Variants in GSG1L observed in about 807,000 individuals in gnomAD.
The protein encoded by GSG1L is GSG1 like.
A neutral mutation model predicts 42.1 loss-of-function variants in GSG1L; 24 were observed. That is an observed-to-expected ratio of 0.57 (90% CI 0.41 to 0.80). The LOEUF (loss-of-function observed/expected upper bound fraction) is 0.80, where lower values mean the gene tolerates loss of function less well. Ranked by LOEUF, GSG1L falls within the 30% of genes least tolerant of loss-of-function variation. The pLI is 0.00. For synonymous variants in GSG1L, 215 were observed against 203.5 expected, an observed-to-expected ratio of 1.06 and a Z score of -0.48; for missense variants, 445 against 472.2, an observed-to-expected ratio of 0.94 and a Z score of 0.53.
At position 28,035,288 on chromosome 16, in the gene GSG1L, G is replaced by A. The variant is rs2086020386; in HGVS notation, c.349+27788C>T. 1.3e-5 allele frequency among the ~76,000 whole-genome samples: 2 copies of A among 152,160 alleles called. 1 individual carries two copies. Among genetic ancestry groups the A allele is most frequent in the Middle Eastern group, 6.3e-3 (2 of 316 alleles). ...AGCCTCCCAAAGTGCTGGGATTCCA[G>A]GTGTGAGCCACCACGCCTATCCTCA... is the stretch of plus-strand genomic sequence containing the variant. On this transcript the variant is annotated intron_variant, in intron 1 of 6. Transcript: ENST00000447459.
chr16:27,977,460 T>C (rs1257153403), intron 1 of GSG1L, among the ~76,000 whole-genome samples: 1 of 148,040 alleles, frequency 6.8e-6, no homozygotes, highest in Non-Finnish European at 1.5e-5. Flanking sequence ...TAGTCGAGGC[T>C]GAGGCACAAG....
chr16:28,032,769 A>G (rs1224142181), intron 1 of GSG1L, among the ~76,000 whole-genome samples: 1 of 152,106 alleles, frequency 6.6e-6, no homozygotes, highest in African/African-American at 2.4e-5. Context: ...CTCACTCCAC[A>G]TCCAATTTGT....
At chr16:27,849,852 A>G (rs2083488054) in intron 3 of GSG1L, among the ~76,000 whole-genome samples, 1 of 150,498 alleles carries the variant, frequency 6.6e-6, no homozygotes, top group Admixed American at 6.6e-5. Flanking sequence ...GGTGGAGTCA[A>G]TAGGACTCGC....
At chr16:27,923,997 T>A (rs1026864096) in intron 2 of GSG1L, among the ~76,000 whole-genome samples, 2 of 152,074 alleles carry the variant, frequency 1.3e-5, no homozygotes, top group Non-Finnish European at 2.9e-5. Flanking sequence ...CTCCTCAAAG[T>A]AAAATAGGAG....
At chr16:27,952,066 T>C (rs1316621692) in intron 2 of GSG1L, among the ~76,000 whole-genome samples, 1 of 152,122 alleles carries the variant, frequency 6.6e-6, no homozygotes, top group African/African-American at 2.4e-5. Flanking sequence ...AGGGATGACT[T>C]AAAATACAGT....
intron 1 of GSG1L, among the ~76,000 whole-genome samples, chr16:27,963,920 A>G (rs2085099198): frequency 6.6e-6 from 1 of 152,224 alleles, no homozygotes; most frequent in Non-Finnish European, 1.5e-5. Flanking sequence ...AGTCACTGAA[A>G]GAGAGTGTAC....
chr16:27,833,590 A>G (rs1020891185), intron 4 of GSG1L, among the ~76,000 whole-genome samples: 1 of 151,928 alleles, frequency 6.6e-6, no homozygotes, highest in Non-Finnish European at 1.5e-5. Context: ...ATATCTACCC[A>G]TTTATTTAGA....
chr16:27,814,372 A>G (rs1311814064), intron 5 of GSG1L, among the ~76,000 whole-genome samples: 2 of 152,264 alleles, frequency 1.3e-5, no homozygotes, highest in East Asian at 3.9e-4. Context: ...TTGGCCTTCC[A>G]AAAAGCTGGG....
intron 1 of GSG1L, among the ~76,000 whole-genome samples, chr16:28,005,376 A>G (rs1471724342): frequency 6.6e-6 from 1 of 152,080 alleles, no homozygotes; most frequent in African/African-American, 2.4e-5. Context: ...CGCCTCCCAA[A>G]GTGGTGGGAT....
chr16:27,999,167 G>C (rs1372911755), intron 1 of GSG1L, among the ~76,000 whole-genome samples: 2 of 152,230 alleles, frequency 1.3e-5, no homozygotes, highest in Admixed American at 1.3e-4. Flanking sequence ...ATTGGGTCAG[G>C]CGCAGTGGCT....
intron 2 of GSG1L, 82 bp downstream of exon 2, chr16:27,963,074 A>G: frequency 8.4e-7 from 1 of 1,186,344 alleles, no homozygotes; most frequent in Non-Finnish European, 1.3e-6. Context: ...ATGCTATCAC[A>G]GGGCTTTGGG....
At chr16:27,928,460 G>A (rs552406809) in intron 2 of GSG1L, among the ~76,000 whole-genome samples, 17 of 152,274 alleles carry the variant, frequency 1.1e-4, no homozygotes, top group African/African-American at 2.4e-4. Context: ...CCTCCAAGAC[G>A]GCCCCCAGCC....
chr16:27,850,833 G>A (rs9926139), intron 3 of GSG1L, among the ~76,000 whole-genome samples: 1,517 of 148,706 alleles, frequency 0.01, 27 homozygotes, highest in African/African-American at 0.036. Context: ...TACAGACAGC[G>A]TCCCTCCATG....
intron 3 of GSG1L, among the ~76,000 whole-genome samples, chr16:27,859,423 C>T (rs2140998372): frequency 6.6e-6 from 1 of 152,312 alleles, no homozygotes; most frequent in Non-Finnish European, 1.5e-5. Context: ...ATGCCCTAGT[C>T]CATCCTCCGG....
At chr16:27,980,517 C>T (rs2085313187) in intron 1 of GSG1L, among the ~76,000 whole-genome samples, 1 of 152,228 alleles carries the variant, frequency 6.6e-6, no homozygotes. Context: ...AAGTGCTTTA[C>T]ATGCATCAAT....
At chr16:27,936,523 T>C (rs1035498931) in intron 2 of GSG1L, among the ~76,000 whole-genome samples, 9 of 152,250 alleles carry the variant, frequency 5.9e-5, no homozygotes, top group African/African-American at 2.2e-4. Flanking sequence ...CTTTCCTCCA[T>C]GAGTGGAAGC....
chr16:27,966,967 C>T (rs1291897604), intron 1 of GSG1L, among the ~76,000 whole-genome samples: 3 of 152,098 alleles, frequency 2.0e-5, no homozygotes, highest in Non-Finnish European at 4.4e-5. Flanking sequence ...CAGTCCCCAC[C>T]GCCCACTACT....
chr16:28,023,205 TATC>T lies in GSG1L; in HGVS notation c.349+39868_349+39870del, dbSNP rs552157821. ...TATTGTTCTGTTTTTGTTTTATACTTATCATTCTATCTTTCTCTCTTCTATCTT... is the reference window on the plus strand; with the variant it reads ...TATTGTTCTGTTTTTGTTTTATACTTATTCTATCTTTCTCTCTTCTATCTT... On this transcript the variant is annotated intron_variant, in intron 1 of 6. Coordinates refer to ENST00000447459, the MANE Select transcript of GSG1L (RefSeq NM_001109763.2). Among the ~76,000 whole-genome samples the T allele has an allele frequency of 1.3e-3, 203 of 152,334 alleles. 1 individual carries two copies. The highest frequency in any genetic ancestry group is 4.6e-3 in the African/African-American group (191 of 41,580).
chr16:27,864,861 A>G (rs924998704), intron 3 of GSG1L, among the ~76,000 whole-genome samples: 10 of 152,206 alleles, frequency 6.6e-5, no homozygotes, highest in African/African-American at 2.4e-4. Context: ...AGCCCAGCCC[A>G]TGTGTGGGTC....
Sources: gnomAD v4.1 joint callset for allele counts (sites outside exome capture counted in the v4.1 genomes callset) on GRCh38, gnomAD v4.1.1 for gene constraint, MANE v1.5 for transcripts, NCBI Gene and HGNC (gene_info 2026-07-23, HGNC 2026-07-21) for gene names.